CEBPZOS: variants seen among roughly 807,000 people sequenced by gnomAD.
CEBPZOS encodes CEBPZ opposite strand, also known as protein CEBPZOS.
Under a neutral mutation model 4.8 loss-of-function variants are expected in CEBPZOS, and 10 were observed. That is an observed-to-expected ratio of 2.07 (90% CI 1.28 to 3.52). The LOEUF (loss-of-function observed/expected upper bound fraction) is 3.52. Among genes scored for constraint, CEBPZOS ranks in the 30% most tolerant of loss-of-function variants. CEBPZOS has a pLI of 0.00. For synonymous variants in CEBPZOS, 25 were observed against 14.2 expected (o/e 1.77, Z -1.72); for missense variants, 98 against 43.6 (o/e 2.25, Z -3.51).
rs1677329805 is a variant in CEBPZOS at position 37,202,704 on chromosome 2, A to G, written c.*844A>G. The G allele has an allele frequency of 9.3e-6, 3 of 324,266 alleles. No homozygotes were observed. Among genetic ancestry groups the G allele is most frequent in the East Asian group, 7.0e-5 (1 of 14,318 alleles). 20.1% of individuals were successfully genotyped at this position (324,266 alleles called of 1,614,324 possible). On this transcript the variant is annotated 3_prime_UTR_variant, in exon 5 of 5. Coordinates refer to ENST00000402297, the MANE Select transcript of CEBPZOS (RefSeq NM_001322374.2). ...AAAAAAAAAAAAAAGAATAAATAAAATAACGAAAATTTCCTATCTTCTGAA... is the reference window on the plus strand; with the variant it reads ...AAAAAAAAAAAAAAGAATAAATAAAGTAACGAAAATTTCCTATCTTCTGAA...
downstream of CEBPZOS, chr2:37,209,401 A>G (rs1677646076): frequency 6.6e-6 from 1 of 152,198 alleles, no homozygotes; most frequent in African/African-American, 2.4e-5. Context: ...CTATACTACT[A>G]GGCTATTGTT....
intron 4 of CEBPZOS, chr2:37,212,243 C>CT: frequency 8.4e-7 from 1 of 1,192,634 alleles, no homozygotes; most frequent in Non-Finnish European, 1.2e-6. Flanking sequence ...TACATTTCCC[C>CT]TTTATCATAT....
At chr2:37,211,577 G>C (rs1447299674) in intron 4 of CEBPZOS, 2 of 361,734 alleles carry the variant, frequency 5.5e-6, no homozygotes, top group Admixed American at 8.5e-5. Context: ...CAGCATTTCA[G>C]CTCAACATGT....
chr2:37,212,490 T>C, intron 4 of CEBPZOS: 1 of 1,056,452 alleles, frequency 9.5e-7, no homozygotes, highest in African/African-American at 1.6e-5. Context: ...GATTCTGCTG[T>C]TTATGACAAG....
At chr2:37,212,226 A>G (rs1677743269) in intron 4 of CEBPZOS, 2 of 1,087,020 alleles carry the variant, frequency 1.8e-6, no homozygotes, top group Non-Finnish European at 2.7e-6. Context: ...TCCCAAACTT[A>G]CTTGACTACA....
chr2:37,201,695 C>T lies in CEBPZOS; in HGVS notation c.214C>T (p.Gln72Ter). 1.0e-6 allele frequency: 1 copy of T among 967,176 alleles called. No individual in the cohort carries two copies. The highest frequency in any genetic ancestry group is 1.6e-6 in the Non-Finnish European group (1 of 613,198). The allele number at this position is 967,176 out of a possible 1,614,324, so 59.9% of individuals were successfully genotyped here. ...SGMYGIRELD[Q>*]KTWLNSKN ...AATGTATGGAATCAGAGAGCTAGATCAAAAAACATGGTTGAACAGCAAAAA... is the reference window on the plus strand; with the variant it reads ...AATGTATGGAATCAGAGAGCTAGATTAAAAAACATGGTTGAACAGCAAAAA... The change falls in exon 4 of 5, where the codon CAA (glutamine) becomes TAA (stop). Residue 72 changes from glutamine (Q) to a stop codon, truncating the protein, a stop_gained. Coordinates refer to ENST00000402297, the MANE Select transcript of CEBPZOS (RefSeq NM_001322374.2). LOFTEE classifies it high-confidence loss of function.
chr2:37,216,101 T>C (rs1158669453), downstream of CEBPZOS: 4 of 1,426,236 alleles, frequency 2.8e-6, no homozygotes, highest in African/African-American at 1.4e-5. Context: ...TTGTCTTATA[T>C]TGTCTTTTCA....
At chr2:37,196,930 CGTTGCTGCTTGAAA>C (rs1352992095) in intron 1 of CEBPZOS, among the ~76,000 whole-genome samples, 14 of 152,204 alleles carry the variant, frequency 9.2e-5, no homozygotes, top group Non-Finnish European at 1.8e-4. Flanking sequence ...CTGGGAGAGA[CGTTGCTGCTTGAAA>C]CCGCGTAGCC....
chr2:37,212,301 GA>G (rs750202882), intron 4 of CEBPZOS: 764 of 1,588,378 alleles, frequency 4.8e-4, no homozygotes, highest in Non-Finnish European at 6.2e-4. Context: ...GGAAATGCTA[GA>G]AAAATAGGAA....
At chr2:37,197,915 C>CTT (rs1677027942) in intron 1 of CEBPZOS, among the ~76,000 whole-genome samples, 1 of 151,902 alleles carries the variant, frequency 6.6e-6, no homozygotes, top group Non-Finnish European at 1.5e-5. Flanking sequence ...AATCCTAGCA[C>CTT]TTTGGGAGGC....
Position 37,202,719 on chromosome 2 carries a change from T to TTGC in CEBPZOS, c.*859_*860insTGC. ...AATAAATAAAATAACGAAAATTTCC[T>TTGC]ATCTTCTGAAGTTCCAAGCCAAAGC... is the stretch of plus-strand genomic sequence containing the variant. On this transcript the variant is annotated 3_prime_UTR_variant, in exon 5 of 5. Transcript: ENST00000402297. 1.9e-6 allele frequency: 1 copy of TTGC among 517,626 alleles called. No individual in the cohort carries two copies. The highest frequency in any genetic ancestry group is 3.7e-5 in the Admixed American group (1 of 27,348). The allele number at this position is 517,626 out of a possible 1,614,324, so 32.1% of individuals were successfully genotyped here. A position where few individuals can be genotyped will look rare whatever the true frequency, so the allele number is the denominator to read the frequency against.
intron 4 of CEBPZOS, chr2:37,212,557 A>C: frequency 1.7e-6 from 1 of 601,430 alleles, no homozygotes; most frequent in Non-Finnish European, 2.9e-6. Context: ...TAATGTATAC[A>C]AACCTGTGAA....
downstream of CEBPZOS, chr2:37,214,809 A>G (rs1415457004): frequency 2.2e-6 from 2 of 902,070 alleles, no homozygotes; most frequent in Non-Finnish European, 3.6e-6. Context: ...ATTATTTCAT[A>G]AAATGAAGCA....
chr2:37,201,621 G>T, intron 3 of CEBPZOS, 21 bp from the exon 4 acceptor site: 2 of 695,062 alleles, frequency 2.9e-6, no homozygotes, highest in South Asian at 1.7e-5. Flanking sequence ...CTTTATAAAT[G>T]AGAGCTATTT....
At chr2:37,212,282 A>G (rs1677745603) in intron 4 of CEBPZOS, 1 of 1,510,542 alleles carries the variant, frequency 6.6e-7, no homozygotes, top group African/African-American at 1.4e-5. Context: ...TCTGAGGGAC[A>G]ACAATTTGGG....
At chr2:37,200,610 G>C (rs949173190) in intron 2 of CEBPZOS, among the ~76,000 whole-genome samples, 1 of 152,014 alleles carries the variant, frequency 6.6e-6, no homozygotes, top group Admixed American at 6.6e-5. Context: ...CAAGGTGGAA[G>C]GACTGCTTGA....
At chr2:37,209,458 G>A (rs1403642907), downstream of CEBPZOS, 1 of 152,094 alleles carries the variant, frequency 6.6e-6, no homozygotes, top group Non-Finnish European at 1.5e-5. Flanking sequence ...GTAGACCAAT[G>A]GAACAGAATA....
Position 37,202,004 on chromosome 2 carries a change from G to A in CEBPZOS, c.*144G>A. ...GTCACAGGAACTTCTAGCCTGCCTT[G>A]GCCTGTGGTTTCCCACCCACTATAC... On this transcript the variant is annotated 3_prime_UTR_variant, in exon 5 of 5. Coordinates refer to ENST00000402297, the MANE Select transcript of CEBPZOS (RefSeq NM_001322374.2). 1 of 1,126,150 alleles carries A rather than the reference G, an allele frequency of 8.9e-7. No homozygotes were observed. Among genetic ancestry groups the A allele is most frequent in the Middle Eastern group, 2.1e-4 (1 of 4,800 alleles). The allele number at this position is 1,126,150 out of a possible 1,614,324, so 69.8% of individuals were successfully genotyped here. A position where few individuals can be genotyped will look rare whatever the true frequency, so the allele number is the denominator to read the frequency against.
At position 37,203,293 on chromosome 2, in the gene CEBPZOS, A is replaced by T. The variant is rs1677371366; in HGVS notation, c.*1433A>T. On this transcript the variant is annotated 3_prime_UTR_variant, in exon 5 of 5. Transcript: ENST00000402297. ...GTTTTACCCATAAGGGAAATAACAT[A>T]GTATCAAGCAATAGTAAAATTATCA... 4.6e-6 allele frequency: 1 copy of T among 216,048 alleles called. No individual in the cohort carries two copies. Among genetic ancestry groups the T allele is most frequent in the Non-Finnish European group, 9.0e-6 (1 of 110,680 alleles). The allele number at this position is 216,048 out of a possible 1,614,324, so 13.4% of individuals were successfully genotyped here.
Sources: gnomAD v4.1 joint callset for allele counts (sites outside exome capture counted in the v4.1 genomes callset) on GRCh38, gnomAD v4.1.1 for gene constraint, MANE v1.5 for transcripts, NCBI Gene and HGNC (gene_info 2026-07-23, HGNC 2026-07-21) for gene names.